The following PIGG variants were observed in gnomAD, a reference collection of about 807,000 sequenced individuals.
PIGG encodes the protein phosphatidylinositol glycan anchor biosynthesis class G (EMM blood group).
In PIGG, 70 loss-of-function variants were observed where a neutral mutation model predicts 83.2. That is an observed-to-expected ratio of 0.84 (90% CI 0.69 to 1.03). The LOEUF (loss-of-function observed/expected upper bound fraction) is 1.03, where lower values mean the gene tolerates loss of function less well. Ranked by LOEUF, PIGG falls within the 50% of genes least tolerant of loss-of-function variation. The pLI is 0.00. For synonymous variants in PIGG, 532 were observed against 519.5 expected (o/e 1.02, Z -0.33); for missense variants, 1,257 against 1,233.6 (o/e 1.02, Z -0.28).
intron 5 of PIGG, among the ~76,000 whole-genome samples, chr4:509,373 GGACA>G (rs1553881857): frequency 6.6e-6 from 1 of 152,202 alleles, no homozygotes; most frequent in East Asian, 1.9e-4. Context: ...GGCCAGAGCA[GGACA>G]GACAGAGGCC....
Position 527,341 on chromosome 4 carries a change from C to T in PIGG, c.2261+111C>T, listed in dbSNP as rs1427541340. The T allele has an allele frequency of 2.0e-5, 28 of 1,428,762 alleles. No homozygotes were observed. In the East Asian group the frequency reaches 5.9e-4, roughly 30 times the overall value. 88.5% of individuals were successfully genotyped at this position (1,428,762 alleles called of 1,614,324 possible). On this transcript the variant is annotated intron_variant, in intron 10 of 12. Coordinates refer to ENST00000453061, the MANE Select transcript of PIGG (RefSeq NM_001127178.3). Reference sequence around the variant, plus strand: ...TGTTTGATGAACTGAGAAGACCAAGCCAGTCTTCAGAGCATTGGAGTTTGG... The same window carrying T: ...TGTTTGATGAACTGAGAAGACCAAGTCAGTCTTCAGAGCATTGGAGTTTGG...
chr4:522,214 T>C, intron 8 of PIGG: 1 of 596,708 alleles, frequency 1.7e-6, no homozygotes, highest in South Asian at 2.0e-5. Flanking sequence ...ACCAAGGTGA[T>C]TGTAAAGAGC....
intron 9 of PIGG, chr4:525,066 G>C: frequency 3.0e-6 from 1 of 338,652 alleles, no homozygotes; most frequent in Non-Finnish European, 4.2e-6. Context: ...CAAGAAGGAC[G>C]GGGTCAGCCA....
intron 4 of PIGG, among the ~76,000 whole-genome samples, chr4:507,975 G>C (rs1005775699): frequency 6.6e-6 from 1 of 151,998 alleles, no homozygotes; most frequent in Non-Finnish European, 1.5e-5. Flanking sequence ...TCTCTGTTCT[G>C]TGTCACTCTC....
At chr4:511,296 T>A (rs9990440) in intron 5 of PIGG, among the ~76,000 whole-genome samples, 19,999 of 128,012 alleles carry the variant, frequency 0.16, 2,206 homozygotes, top group African/African-American at 0.32. Context: ...TCCCCATCTT[T>A]AAAAAAAAAA....
intron 9 of PIGG, chr4:525,056 CAAG>C (rs1727204341): frequency 7.4e-6 from 2 of 269,440 alleles, no homozygotes; most frequent in Admixed American, 6.5e-5. Context: ...CCCAGGGCAG[CAAG>C]AAGGACGGGG....
At chr4:538,170 T>C (rs72501954) in intron 12 of PIGG, among the ~76,000 whole-genome samples, 25,014 of 145,534 alleles carry the variant, frequency 0.17, 2,777 homozygotes, top group African/African-American at 0.3. Flanking sequence ...GGGGGCTGCC[T>C]CCGGGCCCTT....
chr4:520,960 C>T (rs1725667081), intron 6 of PIGG, 96 bp from the exon 7 acceptor site: 8 of 831,944 alleles, frequency 9.6e-6, no homozygotes, highest in African/African-American at 1.7e-5. Context: ...AAGGCTTTGC[C>T]GTGTGCCATG....
intron 9 of PIGG, 145 bp downstream of exon 9, chr4:524,058 A>G: frequency 3.3e-6 from 2 of 600,820 alleles, no homozygotes; most frequent in South Asian, 2.3e-5. Flanking sequence ...AAAATACACT[A>G]AAACCAGTGT....
chr4:516,289 T>G, intron 6 of PIGG, 104 bp downstream of exon 6: 1 of 740,888 alleles, frequency 1.3e-6, no homozygotes, highest in Non-Finnish European at 2.4e-6. Context: ...ACAGGAGTAT[T>G]TTTTCATCAC....
chr4:518,709 C>T (rs1724763287), intron 6 of PIGG, among the ~76,000 whole-genome samples: 2 of 152,140 alleles, frequency 1.3e-5, no homozygotes, highest in South Asian at 4.1e-4. Context: ...TGAGAGGAAA[C>T]CAGCCTGTTA....
In PIGG at chr4:515,466, C is replaced by A. The variant is rs992660339; in HGVS notation, c.902-507C>A. On this transcript the variant is annotated intron_variant, in intron 5 of 12. Coordinates refer to ENST00000453061, the MANE Select transcript of PIGG (RefSeq NM_001127178.3). The surrounding 1 kb of genome is among the most constrained non-coding windows in gnomAD (Gnocchi z 4.2). Reference sequence around the variant, plus strand: ...GCCCAGCTGAACCTGCCTCATTCTGCGCTCCCCTATAGAAGCACCCACAGC... The same window carrying A: ...GCCCAGCTGAACCTGCCTCATTCTGAGCTCCCCTATAGAAGCACCCACAGC... Among the ~76,000 whole-genome samples the A allele has an allele frequency of 6.6e-6, 1 of 152,222 alleles. No homozygotes were observed.
chr4:534,093 T>G, intron 12 of PIGG, 112 bp downstream of exon 12: 1 of 856,658 alleles, frequency 1.2e-6, no homozygotes, highest in Non-Finnish European at 1.8e-6. Flanking sequence ...CCAACAGTCT[T>G]TTCAACAGTT....
chr4:513,595 C>T (rs1722935177), intron 5 of PIGG, among the ~76,000 whole-genome samples: 1 of 152,136 alleles, frequency 6.6e-6, no homozygotes, highest in African/African-American at 2.4e-5. Flanking sequence ...TTGTTCTGTT[C>T]CCCTGGTACC....
At position 505,872 on chromosome 4, in the gene PIGG, A is replaced by G; in HGVS notation, c.515A>G (p.Lys172Arg). ...GDETWVKLFP[K>R]HFVEYDGTTS... ...GAAACCTGGGTTAAATTATTCCCAA[A>G]GCATTTTGTGGAATATGATGGAACA... The change falls in exon 3 of 13, where the codon AAG (lysine) becomes AGG (arginine). Residue 172 changes from lysine (K) to arginine (R), a missense_variant. Coordinates refer to ENST00000453061, the MANE Select transcript of PIGG (RefSeq NM_001127178.3). 1.2e-6 allele frequency: 2 copies of G among 1,613,516 alleles called. No individual in the cohort carries two copies. Among genetic ancestry groups the G allele is most frequent in the Non-Finnish European group, 1.7e-6 (2 of 1,179,946 alleles).
chr4:518,127 A>G (rs1316535409), intron 6 of PIGG, among the ~76,000 whole-genome samples: 3 of 152,322 alleles, frequency 2.0e-5, no homozygotes, highest in South Asian at 2.1e-4. Flanking sequence ...ACCGAGCACC[A>G]GCTCTCACCC....
At chr4:530,985 G>T in intron 11 of PIGG, 1 of 511,516 alleles carries the variant, frequency 2.0e-6, no homozygotes, top group South Asian at 3.0e-5. Flanking sequence ...GGCCAGGCCT[G>T]GGTTTATTTA....
intron 4 of PIGG, 96 bp downstream of exon 4, chr4:507,689 T>A: frequency 1.9e-6 from 2 of 1,052,542 alleles, no homozygotes; most frequent in Non-Finnish European, 2.8e-6. Context: ...GGTGCCTGTG[T>A]GAATGTCCAC....
chr4:538,539 A>G (rs1348568609), intron 12 of PIGG, among the ~76,000 whole-genome samples: 2 of 152,186 alleles, frequency 1.3e-5, no homozygotes, highest in Non-Finnish European at 2.9e-5. Flanking sequence ...GCACATGCAT[A>G]TATAATTTTT....
Sources: gnomAD v4.1 joint callset for allele counts (sites outside exome capture counted in the v4.1 genomes callset) on GRCh38, gnomAD v4.1.1 for gene constraint, Gnocchi (gnomAD v3.1) non-coding constraint, MANE v1.5 for transcripts, NCBI Gene and HGNC (gene_info 2026-07-23, HGNC 2026-07-21) for gene names.